The following RAB11FIP3 variants were observed in gnomAD, a reference collection of about 807,000 sequenced individuals.
The protein encoded by RAB11FIP3 is rab11 family-interacting protein 3.
A neutral mutation model predicts 77.8 loss-of-function variants in RAB11FIP3; 17 were observed. The observed-to-expected ratio is 0.22, with a 90% CI of 0.15 to 0.33. The LOEUF (loss-of-function observed/expected upper bound fraction) is 0.33. Among genes scored for constraint, RAB11FIP3 ranks in the 10% least tolerant of loss-of-function variants. RAB11FIP3 has a pLI of 1.00. For synonymous variants in RAB11FIP3, 437 were observed against 448.2 expected, an observed-to-expected ratio of 0.98 and a Z score of 0.31; for missense variants, 1,005 against 1,011.2, an observed-to-expected ratio of 0.99 and a Z score of 0.08.
Position 461,505 on chromosome 16 carries a change from AT to A in RAB11FIP3, c.808+9del. ...CAGCCATCAGAAACGGAGGTCAGTC[AT>A]CCCCGCCATGAGCTCCCACCTCCTC... On this transcript the variant is annotated intron_variant, in intron 2 of 13. Coordinates refer to ENST00000262305, the MANE Select transcript of RAB11FIP3 (RefSeq NM_014700.4). The surrounding 1 kb of genome is among the most constrained non-coding windows in gnomAD (Gnocchi z 4.5). The A allele has an allele frequency of 6.3e-7, 1 of 1,581,982 alleles. No homozygotes were observed. The highest frequency in any genetic ancestry group is 8.6e-7 in the Non-Finnish European group (1 of 1,161,676).
intron 1 of RAB11FIP3, among the ~76,000 whole-genome samples, chr16:428,862 T>C (rs894938351): frequency 1.4e-4 from 21 of 152,150 alleles, no homozygotes; most frequent in African/African-American, 5.1e-4. Flanking sequence ...CATCACAAAG[T>C]AGAAATGAGA....
At position 426,235 on chromosome 16, in the gene RAB11FIP3, G is replaced by T; in HGVS notation, c.229G>T (p.Gly77Trp). Residue 77 changes from glycine (G) to tryptophan (W), a missense_variant, in exon 1 of 14, where the codon GGG becomes TGG. By Grantham distance (184) the Gly-to-Trp change is radical. Transcript: ENST00000262305. The surrounding 1 kb of genome is among the most constrained non-coding windows in gnomAD (Gnocchi z 5.0). ...GCGTTGGAGCGCCGGGCCGGCCCCG[G>T]GGCTGGAGGGAGGCCCGCGAGACCC... is the stretch of plus-strand genomic sequence containing the variant. ...GARWSAGPAP[G>W]LEGGPRDPGP... 1 of 1,068,864 alleles carries T rather than the reference G, an allele frequency of 9.4e-7. No homozygotes were observed. Among genetic ancestry groups the T allele is most frequent in the African/African-American group, 1.7e-5 (1 of 58,776 alleles). 66.2% of individuals were successfully genotyped at this position (1,068,864 alleles called of 1,614,324 possible).
chr16:483,665 C>T (rs1330330291), intron 4 of RAB11FIP3, among the ~76,000 whole-genome samples: 1 of 152,094 alleles, frequency 6.6e-6, no homozygotes, highest in Non-Finnish European at 1.5e-5. Context: ...CTCCTCCCTT[C>T]CCAGGTCTTT....
chr16:460,140 G>A (rs2055580061), intron 1 of RAB11FIP3, among the ~76,000 whole-genome samples: 1 of 152,048 alleles, frequency 6.6e-6, no homozygotes, highest in Non-Finnish European at 1.5e-5. Flanking sequence ...GTTTCTCACA[G>A]TGCTGGGGAT....
intron 1 of RAB11FIP3, among the ~76,000 whole-genome samples, chr16:456,243 A>G (rs905659317): frequency 1.3e-5 from 2 of 152,060 alleles, no homozygotes; most frequent in Admixed American, 6.6e-5. Flanking sequence ...TGAAGTCAGG[A>G]GTTCGAGACC....
At chr16:510,248 G>A (rs1044957691) in intron 8 of RAB11FIP3, among the ~76,000 whole-genome samples, 11 of 151,798 alleles carry the variant, frequency 7.2e-5, no homozygotes, top group Non-Finnish European at 1.0e-4. Context: ...GCCCCGTCCC[G>A]AGGCTCCGTG....
intron 1 of RAB11FIP3, among the ~76,000 whole-genome samples, chr16:429,002 G>T (rs1462070910): frequency 6.6e-6 from 1 of 152,112 alleles, no homozygotes; most frequent in Non-Finnish European, 1.5e-5. Flanking sequence ...CTCCTTGTCT[G>T]TTCTTCTAGA....
intron 5 of RAB11FIP3, among the ~76,000 whole-genome samples, chr16:495,538 G>A (rs979414952): frequency 3.3e-5 from 5 of 152,306 alleles, no homozygotes; most frequent in East Asian, 1.9e-4. Flanking sequence ...TGCAGGTGTC[G>A]GAGGGCCCTG....
At chr16:460,727 C>T (rs1322999717) in intron 1 of RAB11FIP3, among the ~76,000 whole-genome samples, 1 of 152,178 alleles carries the variant, frequency 6.6e-6, no homozygotes, top group African/African-American at 2.4e-5. Flanking sequence ...TGTTGGCATG[C>T]TGGATCCTTG....
chr16:479,448 G>T lies in RAB11FIP3; in HGVS notation c.904-3077G>T, dbSNP rs180830018. ...CAATTGGTTGCGATGGCTCACACCT[G>T]TAATCTGAGCAGTGTGGAGGATCAC... On this transcript the variant is annotated intron_variant, in intron 3 of 13. Transcript: ENST00000262305. Among the ~76,000 whole-genome samples the T allele has an allele frequency of 4.6e-5, 7 of 152,128 alleles. No individual in the cohort carries two copies. The East Asian group carries it at 1.4e-3, about 29-fold the overall frequency.
chr16:502,686 C>T, intron 6 of RAB11FIP3: 1 of 433,122 alleles, frequency 2.3e-6, no homozygotes, highest in East Asian at 5.0e-5. Context: ...TTATTGCAGC[C>T]AAGTACAAAG....
At position 471,946 on chromosome 16, in the gene RAB11FIP3, C is replaced by A. The variant is rs928745937; in HGVS notation, c.903+557C>A. On this transcript the variant is annotated intron_variant, in intron 3 of 13. Transcript: ENST00000262305. This position sits in a 1 kb window ranked among gnomAD's most constrained non-coding sequence, Gnocchi z 4.4. Reference sequence around the variant, plus strand: ...GTCCGCCGGTCTGGAGGGTTAGATTCCAGGAGAGCCACGTGGCTGCAGCAG... The same window carrying A: ...GTCCGCCGGTCTGGAGGGTTAGATTACAGGAGAGCCACGTGGCTGCAGCAG... Among the ~76,000 whole-genome samples the A allele has an allele frequency of 4.6e-5, 7 of 152,144 alleles. No homozygotes were observed. The highest frequency in any genetic ancestry group is 1.7e-4 in the African/African-American group (7 of 41,450).
intron 1 of RAB11FIP3, among the ~76,000 whole-genome samples, chr16:428,813 A>G (rs189737352): frequency 1.3e-5 from 2 of 152,282 alleles, no homozygotes. Flanking sequence ...TCACAATGGG[A>G]AAAACTTTGT....
chr16:441,335 G>A (rs898021540), intron 1 of RAB11FIP3, among the ~76,000 whole-genome samples: 10 of 152,228 alleles, frequency 6.6e-5, no homozygotes, highest in Middle Eastern at 3.4e-3. Context: ...TAAGTCGTGC[G>A]TATCCACGAT....
chr16:508,965 G>T (rs1367196402), intron 8 of RAB11FIP3, among the ~76,000 whole-genome samples: 1 of 149,782 alleles, frequency 6.7e-6, no homozygotes, highest in Non-Finnish European at 1.5e-5. Context: ...GTGCAGTGGT[G>T]TGATCTCTGC....
At chr16:495,493 G>C (rs927500562) in intron 5 of RAB11FIP3, among the ~76,000 whole-genome samples, 1 of 152,210 alleles carries the variant, frequency 6.6e-6, no homozygotes, top group African/African-American at 2.4e-5. Flanking sequence ...GGCTACAGTG[G>C]GCAGGATGCT....
intron 9 of RAB11FIP3, among the ~76,000 whole-genome samples, chr16:518,736 A>T (rs1043571014): frequency 1.3e-5 from 2 of 151,346 alleles, no homozygotes; most frequent in African/African-American, 2.5e-5. Flanking sequence ...AGAAAAAAAT[A>T]AAAAAATAAT....
intron 6 of RAB11FIP3, chr16:502,661 G>A (rs1364020545): frequency 1.9e-5 from 7 of 360,858 alleles, no homozygotes; most frequent in Admixed American, 1.0e-4. Context: ...GTGTCTCTGC[G>A]AAGAAGGGCA....
At chr16:451,399 G>A (rs995734760) in intron 1 of RAB11FIP3, 1 of 152,108 alleles carries the variant, frequency 6.6e-6, no homozygotes, top group Non-Finnish European at 1.5e-5. Context: ...ACACAGAATG[G>A]GGTGTTAAGA....
Sources: allele counts gnomAD v4.1 joint callset (sites outside exome capture counted in the v4.1 genomes callset), GRCh38; gene constraint gnomAD v4.1.1; non-coding constraint Gnocchi (gnomAD v3.1); transcripts MANE v1.5; gene names NCBI Gene and HGNC (gene_info 2026-07-23, HGNC 2026-07-21).